FGF12: variants seen among roughly 807,000 people sequenced by gnomAD.
The protein encoded by FGF12 is fibroblast growth factor 12B.
Under a neutral mutation model 23.6 loss-of-function variants are expected in FGF12, and 14 were observed. The ratio of observed to expected loss-of-function variants is 0.59; its 90% CI spans 0.39 to 0.93. The LOEUF is 0.93. Among genes scored for constraint, FGF12 ranks in the 40% least tolerant of loss-of-function variants. The pLI is 0.00. For missense variants in FGF12, 175 were observed against 217.8 expected, an observed-to-expected ratio of 0.80 and a Z score of 1.24; for synonymous variants, 62 against 77.3, an observed-to-expected ratio of 0.80 and a Z score of 1.04.
chr3:192,440,987 A>G (rs1722185864), intron 2 of FGF12, among the ~76,000 whole-genome samples: 1 of 152,226 alleles, frequency 6.6e-6, no homozygotes, highest in African/African-American at 2.4e-5. Flanking sequence ...AGGATAAAGG[A>G]CTTCAATCTG....
chr3:192,386,395 C>T (rs1040773625), intron 2 of FGF12, among the ~76,000 whole-genome samples: 4 of 152,120 alleles, frequency 2.6e-5, no homozygotes, highest in African/African-American at 9.7e-5. Flanking sequence ...AGTCTCATTT[C>T]ATTATTTGAT....
chr3:192,324,612 AT>A (rs531953164), intron 4 of FGF12, among the ~76,000 whole-genome samples: 34 of 152,302 alleles, frequency 2.2e-4, no homozygotes, highest in Non-Finnish European at 4.6e-4. Flanking sequence ...AAACTTTCCA[AT>A]TTTTTCACAA....
rs535373498 is a variant in FGF12, at chr3:192,272,012, T to C, written c.228+63349A>G. On this transcript the variant is annotated intron_variant, in intron 4 of 5. Coordinates refer to ENST00000445105, the MANE Select transcript of FGF12 (RefSeq NM_004113.6). ...TCATTTCTCTTATCCAGTTCTAGGG[T>C]TTTCTGGGAAGACAGGAGAGGGAAA... is the stretch of plus-strand genomic sequence containing the variant. Among the ~76,000 whole-genome samples, 6 of 152,064 alleles carry C rather than the reference T, an allele frequency of 3.9e-5. No homozygotes were observed. In the South Asian group the frequency reaches 1.2e-3, roughly 31 times the overall value.
At chr3:192,679,152 A>G (rs1455769438) in intron 2 of FGF12, among the ~76,000 whole-genome samples, 1 of 152,180 alleles carries the variant, frequency 6.6e-6, no homozygotes, top group Non-Finnish European at 1.5e-5. Context: ...TATGCAGCAA[A>G]TAGAGGAGGC....
At chr3:192,439,792 T>C (rs192142405) in intron 2 of FGF12, among the ~76,000 whole-genome samples, 3,299 of 151,940 alleles carry the variant, frequency 0.022, 61 homozygotes, top group Non-Finnish European at 0.034. Context: ...CTGGCAAAGA[T>C]GGTGAAACCC....
chr3:192,377,946 C>A (rs1719595669), intron 2 of FGF12, among the ~76,000 whole-genome samples: 1 of 152,078 alleles, frequency 6.6e-6, no homozygotes, highest in Non-Finnish European at 1.5e-5. Context: ...AAAAATAGAA[C>A]CCTAGTGCAG....
chr3:192,504,062 G>A (rs558353879), intron 2 of FGF12, among the ~76,000 whole-genome samples: 14 of 152,016 alleles, frequency 9.2e-5, no homozygotes, highest in Non-Finnish European at 1.8e-4. Context: ...TCTAGAGGCC[G>A]TTATCCTAAG....
chr3:192,524,058 A>C (rs1458617924), intron 2 of FGF12, among the ~76,000 whole-genome samples: 2 of 146,552 alleles, frequency 1.4e-5, no homozygotes, highest in African/African-American at 5.5e-5. Context: ...ATCCTTTAAC[A>C]GAAAAAAAAA....
intron 2 of FGF12, among the ~76,000 whole-genome samples, chr3:192,552,970 A>G (rs1711597467): frequency 6.6e-6 from 1 of 152,180 alleles, no homozygotes; most frequent in South Asian, 2.1e-4. Flanking sequence ...AACAGCTGTA[A>G]AGTACTGAAA....
chr3:192,367,927 T>C (rs931162667), intron 2 of FGF12, among the ~76,000 whole-genome samples: 2 of 152,170 alleles, frequency 1.3e-5, no homozygotes, highest in Non-Finnish European at 2.9e-5. Flanking sequence ...GTGCTGATAT[T>C]CCAAGAGGAT....
chr3:192,261,951 G>A (rs1712783059), intron 4 of FGF12, among the ~76,000 whole-genome samples: 1 of 152,120 alleles, frequency 6.6e-6, no homozygotes, highest in Admixed American at 6.6e-5. Context: ...TTTTATTAAG[G>A]AGGGGGACTG....
intron 5 of FGF12, among the ~76,000 whole-genome samples, chr3:192,164,489 T>C (rs1045040157): frequency 4.6e-5 from 7 of 152,218 alleles, no homozygotes; most frequent in Non-Finnish European, 7.3e-5. Context: ...TATCATGTTA[T>C]CAGTGTAGGA....
chr3:192,261,066 C>T (rs988410064), intron 4 of FGF12, among the ~76,000 whole-genome samples: 8 of 152,034 alleles, frequency 5.3e-5, no homozygotes, highest in Non-Finnish European at 1.2e-4. Context: ...AGAGACCGGC[C>T]ACACACCACA....
chr3:192,456,156 T>C (rs1440431825), intron 2 of FGF12, among the ~76,000 whole-genome samples: 7 of 152,230 alleles, frequency 4.6e-5, no homozygotes, highest in Admixed American at 3.9e-4. Flanking sequence ...TTTCACAATT[T>C]ATGAAGAATA....
intron 2 of FGF12, among the ~76,000 whole-genome samples, chr3:192,547,015 C>T (rs959254000): frequency 2.0e-5 from 3 of 152,166 alleles, no homozygotes; most frequent in African/African-American, 4.8e-5. Flanking sequence ...TGCACCACTG[C>T]ACTCCAGCCT....
intron 2 of FGF12, among the ~76,000 whole-genome samples, chr3:192,718,161 C>CTTTTTTTTTTTTTTTTTT (rs71177369): frequency 1.3e-5 from 1 of 77,970 alleles, no homozygotes; most frequent in African/African-American, 4.9e-5. Context: ...GTTAGTCTTT[C>CTTTTTTTTTTTTTTTTTT]TTTTTTTTTT....
intron 2 of FGF12, among the ~76,000 whole-genome samples, chr3:192,403,178 C>G (rs1004833685): frequency 2.6e-5 from 4 of 152,002 alleles, no homozygotes; most frequent in African/African-American, 9.7e-5. Context: ...ATGAGTAAGC[C>G]CAGGACTTTT....
At chr3:192,513,810 C>A (rs1440454028) in intron 2 of FGF12, among the ~76,000 whole-genome samples, 1 of 152,164 alleles carries the variant, frequency 6.6e-6, no homozygotes, top group African/African-American at 2.4e-5. Context: ...AAAGGAAAAT[C>A]AAGACACAGA....
chr3:192,567,778 TTTCTTTCTTTCTTTC>T lies in FGF12; in HGVS notation c.13+159388_13+159402del, dbSNP rs753867664. 6.0e-3 allele frequency among the ~76,000 whole-genome samples: 822 copies of T among 137,374 alleles called. 6 individuals are homozygous for T. The highest frequency in any genetic ancestry group is 0.011 in the Non-Finnish European group (659 of 61,566). 90.1% of individuals were successfully genotyped at this position (137,374 alleles called of 152,430 possible). On this transcript the variant is annotated intron_variant, in intron 2 of 5. Coordinates refer to ENST00000445105, the MANE Select transcript of FGF12 (RefSeq NM_004113.6). ...CTTTCTTTCTTTCTTTCTTTCTTTC[TTTCTTTCTTTCTTTC>T]TTTCTTTCTCTTTCTTTCTTTCTCT... is the stretch of plus-strand genomic sequence containing the variant.
Sources: allele counts gnomAD v4.1 joint callset (sites outside exome capture counted in the v4.1 genomes callset), GRCh38; gene constraint gnomAD v4.1.1; transcripts MANE v1.5; gene names NCBI Gene and HGNC (gene_info 2026-07-23, HGNC 2026-07-21).